The following UNC13C variants were observed in gnomAD, a reference collection of about 807,000 sequenced individuals.
UNC13C encodes the protein protein unc-13 homolog C.
UNC13C carries 174 observed loss-of-function variants against 245.4 expected under a neutral mutation model. The observed-to-expected ratio is 0.71, with a 90% CI of 0.63 to 0.80. UNC13C has a LOEUF of 0.80. Ranked by LOEUF, UNC13C falls within the 30% of genes least tolerant of loss-of-function variation. The probability of loss-of-function intolerance (pLI) is 0.00; values close to 1 mark genes in which losing one functional copy is unlikely to be tolerated. For missense variants in UNC13C, 2,829 were observed against 2,602.9 expected, an observed-to-expected ratio of 1.09 and a Z score of -1.89; for synonymous variants, 992 against 895.1, an observed-to-expected ratio of 1.11 and a Z score of -1.93.
At chr15:54,422,463 TTCAA>T (rs1202438598) in intron 19 of UNC13C, among the ~76,000 whole-genome samples, 1 of 152,008 alleles carries the variant, frequency 6.6e-6, no homozygotes, top group African/African-American at 2.4e-5. Flanking sequence ...GGCTTCCTCT[TTCAA>T]TTGACCAAAA....
intron 2 of UNC13C, among the ~76,000 whole-genome samples, chr15:54,080,310 G>A (rs979970572): frequency 2.0e-5 from 3 of 151,788 alleles, no homozygotes; most frequent in African/African-American, 7.3e-5. Context: ...GTCACATTTT[G>A]GTATCAGGAT....
At chr15:54,007,273 T>A (rs972147697) in intron 1 of UNC13C, among the ~76,000 whole-genome samples, 1 of 152,196 alleles carries the variant, frequency 6.6e-6, no homozygotes, top group Non-Finnish European at 1.5e-5. Flanking sequence ...AGACTAAGGT[T>A]ATTCTATTAG....
chr15:54,115,116 T>C (rs1027377609), intron 2 of UNC13C, among the ~76,000 whole-genome samples: 2 of 152,104 alleles, frequency 1.3e-5, no homozygotes, highest in Non-Finnish European at 2.9e-5. Flanking sequence ...GATATATTTT[T>C]ACTTGTAATG....
At chr15:53,846,465 G>A in the UNC13C span, among the ~76,000 whole-genome samples, 1 of 152,152 alleles carries the variant, frequency 6.6e-6, no homozygotes, top group Non-Finnish European at 1.5e-5. Context: ...GTTTGAATTT[G>A]TGCAAGTTAC....
the UNC13C span, among the ~76,000 whole-genome samples, chr15:53,950,453 T>C: frequency 6.6e-6 from 1 of 151,108 alleles, no homozygotes; most frequent in African/African-American, 2.4e-5. Context: ...CTCTGTAGGA[T>C]TGGATATTTA....
At chr15:54,464,015 C>A (rs991191845) in intron 19 of UNC13C, among the ~76,000 whole-genome samples, 2 of 152,066 alleles carry the variant, frequency 1.3e-5, no homozygotes. Flanking sequence ...ATGATGGTGA[C>A]GATAAAGAAG....
chr15:54,219,703 G>A (rs1282227646), intron 4 of UNC13C, among the ~76,000 whole-genome samples: 3 of 151,662 alleles, frequency 2.0e-5, no homozygotes, highest in Admixed American at 1.3e-4. Context: ...CTACTCATCT[G>A]TCAAAGGGCT....
intron 2 of UNC13C, among the ~76,000 whole-genome samples, chr15:54,093,952 G>A (rs529411931): frequency 6.6e-6 from 1 of 152,066 alleles, no homozygotes; most frequent in African/African-American, 2.4e-5. Flanking sequence ...ACTGTGGGGA[G>A]CATAATTGAC....
chr15:54,201,233 A>G (rs1422298580), intron 4 of UNC13C, among the ~76,000 whole-genome samples: 1 of 152,048 alleles, frequency 6.6e-6, no homozygotes, highest in Non-Finnish European at 1.5e-5. Context: ...TCTATCAGAC[A>G]TCCAAAGAAG....
intron 17 of UNC13C, among the ~76,000 whole-genome samples, chr15:54,358,346 C>T (rs1398004): frequency 0.47 from 71,843 of 151,818 alleles, 17,513 homozygotes; most frequent in East Asian, 0.82. Context: ...TTTTTCTATT[C>T]CTATGAAGAA....
At chr15:54,367,580 T>C in intron 17 of UNC13C, among the ~76,000 whole-genome samples, 1 of 152,164 alleles carries the variant, frequency 6.6e-6, no homozygotes, top group East Asian at 1.9e-4. Flanking sequence ...ATCTGCTCCA[T>C]GAATACTGAT....
At chr15:54,095,733 AT>A (rs1899824968) in intron 2 of UNC13C, among the ~76,000 whole-genome samples, 1 of 152,218 alleles carries the variant, frequency 6.6e-6, no homozygotes, top group Non-Finnish European at 1.5e-5. Flanking sequence ...GAAGTAACCC[AT>A]TTTAACATTC....
intron 4 of UNC13C, among the ~76,000 whole-genome samples, chr15:54,228,258 C>A (rs1025885695): frequency 3.3e-5 from 5 of 152,040 alleles, no homozygotes; most frequent in African/African-American, 1.2e-4. Context: ...GCAATGTGCT[C>A]CCATCTGGCC....
chr15:54,349,173 G>A (rs1432074281), intron 17 of UNC13C, among the ~76,000 whole-genome samples: 2 of 149,498 alleles, frequency 1.3e-5, no homozygotes, highest in African/African-American at 4.9e-5. Context: ...TAAATGTTAT[G>A]AAAAGAAAAT....
At chr15:53,928,800 G>A in the UNC13C span, among the ~76,000 whole-genome samples, 1 of 152,156 alleles carries the variant, frequency 6.6e-6, no homozygotes, top group South Asian at 2.1e-4. Context: ...TTCACCCACT[G>A]TATAAGTGAT....
intron 19 of UNC13C, among the ~76,000 whole-genome samples, chr15:54,452,964 T>C (rs945471917): frequency 5.3e-5 from 8 of 152,184 alleles, no homozygotes; most frequent in African/African-American, 1.9e-4. Flanking sequence ...AATGGGATTC[T>C]AAGGGTGTGG....
intron 4 of UNC13C, among the ~76,000 whole-genome samples, chr15:54,172,477 C>T (rs2033436358): frequency 6.6e-6 from 1 of 151,404 alleles, no homozygotes; most frequent in Admixed American, 6.6e-5. Context: ...GCTCCTTTAG[C>T]TCAGCATAAC....
chr15:54,141,137 G>A (rs1421217936), intron 2 of UNC13C, among the ~76,000 whole-genome samples: 1 of 152,012 alleles, frequency 6.6e-6, no homozygotes, highest in African/African-American at 2.4e-5. Flanking sequence ...TTATTTCATT[G>A]TTTTCCAAAC....
chr15:54,455,310 G>T (rs1383524084), intron 19 of UNC13C, among the ~76,000 whole-genome samples: 1 of 146,894 alleles, frequency 6.8e-6, no homozygotes, highest in Non-Finnish European at 1.5e-5. Flanking sequence ...AAATTGTGCT[G>T]CTATAAGTAT....
Sources: allele counts gnomAD v4.1 joint callset (sites outside exome capture counted in the v4.1 genomes callset), GRCh38; gene constraint gnomAD v4.1.1; transcripts MANE v1.5; gene names NCBI Gene and HGNC (gene_info 2026-07-23, HGNC 2026-07-21).